CNTN3: variants seen among roughly 807,000 people sequenced by gnomAD.
CNTN3 encodes contactin-3.
A neutral mutation model predicts 119.1 loss-of-function variants in CNTN3; 60 were observed. The ratio of observed to expected loss-of-function variants is 0.50; its 90% CI spans 0.41 to 0.62. CNTN3 has a LOEUF of 0.62. Ranked by LOEUF, CNTN3 falls within the 20% of genes least tolerant of loss-of-function variation. The pLI is 0.00. For synonymous variants in CNTN3, 450 were observed against 438.7 expected, an observed-to-expected ratio of 1.03 and a Z score of -0.32; for missense variants, 1,101 against 1,242.4, an observed-to-expected ratio of 0.89 and a Z score of 1.71.
chr3:74,363,332 AT>A (rs1384710524), intron 10 of CNTN3, among the ~76,000 whole-genome samples: 3 of 152,094 alleles, frequency 2.0e-5, no homozygotes, highest in Non-Finnish European at 4.4e-5. Context: ...GACATATAAC[AT>A]TTTGGGGTGG....
At chr3:74,410,240 C>T (rs1701416024) in intron 5 of CNTN3, among the ~76,000 whole-genome samples, 1 of 152,128 alleles carries the variant, frequency 6.6e-6, no homozygotes, top group East Asian at 1.9e-4. Context: ...AACCCCTGCC[C>T]TCTGCCTAAC....
At chr3:74,334,403 C>T (rs1478936269) in intron 13 of CNTN3, among the ~76,000 whole-genome samples, 2 of 152,126 alleles carry the variant, frequency 1.3e-5, no homozygotes, top group African/African-American at 2.4e-5. Flanking sequence ...TCTCCCAGTT[C>T]ATCACATATG....
chr3:74,536,997 A>AAAACAC (rs1559649550), intron 1 of CNTN3, among the ~76,000 whole-genome samples: 1 of 150,532 alleles, frequency 6.6e-6, no homozygotes, highest in African/African-American at 2.4e-5. Flanking sequence ...TTTCATTTAA[A>AAAACAC]ACACACACAC....
At chr3:74,612,613 T>C (rs773643288) in intron 1 of CNTN3, among the ~76,000 whole-genome samples, 33 of 152,210 alleles carry the variant, frequency 2.2e-4, no homozygotes, top group Non-Finnish European at 4.1e-4. Context: ...TCGGTTATCC[T>C]ACTTTTAGAC....
At chr3:74,310,748 AT>A (rs1460217777) in intron 13 of CNTN3, among the ~76,000 whole-genome samples, 7 of 152,166 alleles carry the variant, frequency 4.6e-5, no homozygotes, top group African/African-American at 9.7e-5. Context: ...AGAGGGATAG[AT>A]TTTACTACTT....
At chr3:74,572,941 C>A (rs557984176) in intron 1 of CNTN3, among the ~76,000 whole-genome samples, 12 of 152,322 alleles carry the variant, frequency 7.9e-5, no homozygotes, top group African/African-American at 2.9e-4. Flanking sequence ...GCTGCCCGGG[C>A]AGTGCCATCT....
chr3:74,331,545 G>A (rs1703265430), intron 13 of CNTN3, among the ~76,000 whole-genome samples: 1 of 152,092 alleles, frequency 6.6e-6, no homozygotes, highest in Admixed American at 6.5e-5. Context: ...AAAATTACGT[G>A]ACTCACTCAC....
At chr3:74,446,640 A>C (rs1702052350) in intron 4 of CNTN3, among the ~76,000 whole-genome samples, 1 of 151,884 alleles carries the variant, frequency 6.6e-6, no homozygotes, top group Admixed American at 6.6e-5. Flanking sequence ...TGTTAAAATA[A>C]TACTGAGTTA....
intron 13 of CNTN3, among the ~76,000 whole-genome samples, chr3:74,320,686 CA>C (rs1308233754): frequency 6.6e-6 from 1 of 151,942 alleles, no homozygotes; most frequent in Non-Finnish European, 1.5e-5. Context: ...ACAACAACAA[CA>C]AAAAATTCAG....
chr3:74,297,345 G>T (rs1274506474), intron 18 of CNTN3, among the ~76,000 whole-genome samples: 2 of 151,774 alleles, frequency 1.3e-5, no homozygotes, highest in African/African-American at 4.8e-5. Context: ...AATCAATTTT[G>T]GGATTTATTT....
chr3:74,590,225 G>A (rs1704678179), intron 1 of CNTN3, among the ~76,000 whole-genome samples: 1 of 152,168 alleles, frequency 6.6e-6, no homozygotes, highest in Non-Finnish European at 1.5e-5. Context: ...ACATTTGGAA[G>A]GGAGTGGAGG....
At chr3:74,457,059 T>C (rs1702283153) in intron 4 of CNTN3, among the ~76,000 whole-genome samples, 1 of 152,102 alleles carries the variant, frequency 6.6e-6, no homozygotes, top group Non-Finnish European at 1.5e-5. Flanking sequence ...TATTAAAATG[T>C]CATATTTTAT....
intron 11 of CNTN3, among the ~76,000 whole-genome samples, chr3:74,351,141 C>T (rs1245338243): frequency 6.6e-6 from 1 of 152,194 alleles, no homozygotes; most frequent in Admixed American, 6.5e-5. Context: ...TTAACAGCAT[C>T]AGAAACCTTT....
intron 1 of CNTN3, among the ~76,000 whole-genome samples, chr3:74,561,840 C>A (rs1202303902): frequency 7.2e-5 from 11 of 152,128 alleles, no homozygotes. Context: ...TGAATGGATT[C>A]TTTAAACCAT....
In CNTN3 at chr3:74,295,112, A is replaced by G; in HGVS notation, c.2517+9T>C. ...CACACATACACAATTTAATCGGAAA[A>G]GAAATTACCTCATAGCCCAGTAAAT... On this transcript the variant is annotated intron_variant, in intron 19 of 22. Coordinates refer to ENST00000263665, the MANE Select transcript of CNTN3 (RefSeq NM_020872.3). The G allele has an allele frequency of 1.3e-6, 2 of 1,558,224 alleles. No individual in the cohort carries two copies. The highest frequency in any genetic ancestry group is 1.1e-5 in the South Asian group (1 of 89,450).
chr3:74,590,682 A>AAACCTACT (rs1266596931), intron 1 of CNTN3, among the ~76,000 whole-genome samples: 1 of 152,046 alleles, frequency 6.6e-6, no homozygotes, highest in Non-Finnish European at 1.5e-5. Context: ...TATGAGAGAA[A>AAACCTACT]AACCTACTCA....
chr3:74,537,483 C>G (rs1703782906), intron 1 of CNTN3, among the ~76,000 whole-genome samples: 1 of 152,084 alleles, frequency 6.6e-6, no homozygotes, highest in Non-Finnish European at 1.5e-5. Context: ...CATTTGGGAA[C>G]CACTAGCTAG....
At chr3:74,270,674 C>T (rs1701756119) in intron 20 of CNTN3, among the ~76,000 whole-genome samples, 1 of 152,122 alleles carries the variant, frequency 6.6e-6, no homozygotes, top group Non-Finnish European at 1.5e-5. Context: ...AGTGTAACTT[C>T]TAGGACTTCT....
Position 74,583,048 on chromosome 3 carries a change from A to C in CNTN3, c.-81+31343T>G, listed in dbSNP as rs113057217. ...GAGTTGGTCAGTATCCAGAAGCAGAAGGCAGGGCTAGAAAAATAGTTTAGA... is the reference window on the plus strand; with the variant it reads ...GAGTTGGTCAGTATCCAGAAGCAGACGGCAGGGCTAGAAAAATAGTTTAGA... On this transcript the variant is annotated intron_variant, in intron 1 of 22. Coordinates refer to ENST00000263665, the MANE Select transcript of CNTN3 (RefSeq NM_020872.3). Among the ~76,000 whole-genome samples, 570 of 152,270 alleles carry C rather than the reference A, an allele frequency of 3.7e-3. 5 individuals are homozygous for C. Among genetic ancestry groups the C allele is most frequent in the African/African-American group, 0.012 (490 of 41,560 alleles).
Sources: gnomAD v4.1 joint callset for allele counts (sites outside exome capture counted in the v4.1 genomes callset) on GRCh38, gnomAD v4.1.1 for gene constraint, MANE v1.5 for transcripts, NCBI Gene and HGNC (gene_info 2026-07-23, HGNC 2026-07-21) for gene names.